The following GFRA1 variants were observed in gnomAD, a reference collection of about 807,000 sequenced individuals.
GFRA1 encodes the protein GDNF family receptor alpha-1.
A neutral mutation model predicts 51.6 loss-of-function variants in GFRA1; 16 were observed. The observed-to-expected ratio is 0.31, with a 90% CI of 0.21 to 0.47. The LOEUF (loss-of-function observed/expected upper bound fraction) is 0.47. Among genes scored for constraint, GFRA1 ranks in the 20% least tolerant of loss-of-function variants. The pLI, the probability that GFRA1 is intolerant of heterozygous loss-of-function variation, is 1.00. For missense variants in GFRA1, 530 were observed against 594.3 expected, an observed-to-expected ratio of 0.89 and a Z score of 1.13; for synonymous variants, 270 against 241.3, an observed-to-expected ratio of 1.12 and a Z score of -1.10.
At chr10:116,091,729 A>G (rs1956344550) in intron 8 of GFRA1, among the ~76,000 whole-genome samples, 1 of 152,178 alleles carries the variant, frequency 6.6e-6, no homozygotes, top group Admixed American at 6.5e-5. Context: ...GAATCTACAA[A>G]TTGCAATTCC....
intron 4 of GFRA1, among the ~76,000 whole-genome samples, chr10:116,261,288 C>G (rs1467509100): frequency 6.6e-6 from 1 of 152,144 alleles, no homozygotes; most frequent in Non-Finnish European, 1.5e-5. Flanking sequence ...TTGCATTGTC[C>G]TATCAATTTA....
intron 5 of GFRA1, among the ~76,000 whole-genome samples, chr10:116,143,334 TAA>T (rs34109837): frequency 1.4e-5 from 2 of 144,452 alleles, no homozygotes; most frequent in African/African-American, 2.6e-5. Context: ...TTTTTTTAAT[TAA>T]AAAAAAAAAA....
chr10:116,173,935 C>T (rs1057184077), intron 5 of GFRA1, among the ~76,000 whole-genome samples: 1 of 152,114 alleles, frequency 6.6e-6, no homozygotes, highest in African/African-American at 2.4e-5. Flanking sequence ...ACAAAACTAG[C>T]CGGGCATGGT....
intron 4 of GFRA1, chr10:116,255,621 T>A: frequency 7.8e-7 from 1 of 1,280,776 alleles, no homozygotes; most frequent in Non-Finnish European, 1.0e-6. Context: ...TTTCCACTGA[T>A]GTGTTAGCTC....
intron 5 of GFRA1, among the ~76,000 whole-genome samples, chr10:116,194,397 T>C (rs568999557): frequency 9.8e-5 from 15 of 152,342 alleles, no homozygotes; most frequent in African/African-American, 3.6e-4. Context: ...TACCCCTGTC[T>C]GCAGATGAAC....
At chr10:116,165,602 T>C (rs927035191) in intron 5 of GFRA1, among the ~76,000 whole-genome samples, 3 of 151,988 alleles carry the variant, frequency 2.0e-5, no homozygotes, top group African/African-American at 4.8e-5. Context: ...ATGAGGTTTC[T>C]AGTTGTTCTG....
At chr10:116,271,216 G>T in intron 2 of GFRA1, 101 bp from the exon 3 acceptor site, 1 of 918,822 alleles carries the variant, frequency 1.1e-6, no homozygotes, top group Non-Finnish European at 1.6e-6. Flanking sequence ...TGCTTGACCA[G>T]CCTTCGGGGG....
At chr10:116,208,530 C>A (rs1326881230) in intron 5 of GFRA1, among the ~76,000 whole-genome samples, 3 of 152,168 alleles carry the variant, frequency 2.0e-5, no homozygotes, top group African/African-American at 7.2e-5. Flanking sequence ...AAGATCCTGG[C>A]TCCAGATAAG....
At chr10:116,118,223 T>C (rs1441765095) in intron 6 of GFRA1, among the ~76,000 whole-genome samples, 1 of 152,214 alleles carries the variant, frequency 6.6e-6, no homozygotes, top group African/African-American at 2.4e-5. Context: ...GTCCTGTTCT[T>C]GTGGGACTCT....
chr10:116,089,950 T>G, intron 8 of GFRA1, 28 bp from the exon 9 acceptor site: 1 of 1,591,880 alleles, frequency 6.3e-7, no homozygotes, highest in Non-Finnish European at 8.6e-7. Flanking sequence ...GAAATCCAAT[T>G]TCAAAGTCAA....
chr10:116,183,150 C>A (rs746841671), intron 5 of GFRA1, among the ~76,000 whole-genome samples: 4 of 152,156 alleles, frequency 2.6e-5, no homozygotes, highest in Admixed American at 6.5e-5. Flanking sequence ...GATCAATTTC[C>A]TTTCCTTTCA....
At chr10:116,259,697 AG>A (rs1473887203) in intron 4 of GFRA1, among the ~76,000 whole-genome samples, 1 of 152,222 alleles carries the variant, frequency 6.6e-6, no homozygotes. Flanking sequence ...TTCTAAATAA[AG>A]GATCCTGGTC....
chr10:116,112,940 A>G (rs76432874), intron 6 of GFRA1, among the ~76,000 whole-genome samples: 2,038 of 152,304 alleles, frequency 0.013, 40 homozygotes, highest in African/African-American at 0.047. Flanking sequence ...AGACCTCAGG[A>G]GCGCTGGTGC....
At chr10:116,267,996 A>G (rs1969808229) in intron 4 of GFRA1, among the ~76,000 whole-genome samples, 1 of 152,148 alleles carries the variant, frequency 6.6e-6, no homozygotes, top group South Asian at 2.1e-4. Context: ...GAAGGAAAAG[A>G]CAGAATAATG....
intron 9 of GFRA1, among the ~76,000 whole-genome samples, chr10:116,075,221 A>C (rs1317412199): frequency 6.6e-6 from 1 of 152,154 alleles, no homozygotes; most frequent in Non-Finnish European, 1.5e-5. Flanking sequence ...TGGTTTAAAA[A>C]AAAAAGTGCT....
intron 4 of GFRA1, among the ~76,000 whole-genome samples, chr10:116,224,441 G>A (rs188379748): frequency 2.1e-4 from 32 of 152,230 alleles, no homozygotes; most frequent in Non-Finnish European, 3.2e-4. Flanking sequence ...GAAATAATAC[G>A]AATGTCCATC....
At chr10:116,179,632 T>TTTGGG (rs1385232039) in intron 5 of GFRA1, among the ~76,000 whole-genome samples, 4 of 152,084 alleles carry the variant, frequency 2.6e-5, no homozygotes, top group Admixed American at 1.3e-4. Flanking sequence ...TGGTGGGCCT[T>TTTGGG]TTGGGTTGAG....
chr10:116,238,736 CAA>C (rs1312761130), intron 4 of GFRA1, among the ~76,000 whole-genome samples: 6 of 152,168 alleles, frequency 3.9e-5, no homozygotes, highest in African/African-American at 7.2e-5. Flanking sequence ...CAGATTTCTC[CAA>C]GAGAGAATAT....
chr10:116,192,342 G>C (rs779908882), intron 5 of GFRA1, among the ~76,000 whole-genome samples: 4 of 152,170 alleles, frequency 2.6e-5, no homozygotes, highest in Non-Finnish European at 5.9e-5. Flanking sequence ...CTGCAGAAAG[G>C]GGGTAGCATA....
Sources: gnomAD v4.1 joint callset for allele counts (sites outside exome capture counted in the v4.1 genomes callset) on GRCh38, gnomAD v4.1.1 for gene constraint, MANE v1.5 for transcripts, NCBI Gene and HGNC (gene_info 2026-07-23, HGNC 2026-07-21) for gene names.